SEMA4F: variants seen among roughly 807,000 people sequenced by gnomAD.
SEMA4F encodes the protein ssemaphorin 4F.
A neutral mutation model predicts 78.4 loss-of-function variants in SEMA4F; 51 were observed. The observed-to-expected ratio is 0.65, with a 90% CI of 0.52 to 0.82. The LOEUF (loss-of-function observed/expected upper bound fraction) is 0.82. Among genes scored for constraint, SEMA4F ranks in the 40% least tolerant of loss-of-function variants. The pLI is 0.00. For missense variants in SEMA4F, 938 were observed against 1,014.4 expected, an observed-to-expected ratio of 0.92 and a Z score of 1.02; for synonymous variants, 418 against 408.7, an observed-to-expected ratio of 1.02 and a Z score of -0.27.
At chr2:74,654,608 C>T in intron 1 of SEMA4F, 87 bp downstream of exon 1, 1 of 1,226,536 alleles carries the variant, frequency 8.2e-7, no homozygotes, top group Non-Finnish European at 1.1e-6. Context: ...CGGCCGGACC[C>T]GGGCCTCTCA....
chr2:74,666,184 G>A (rs1573240224), intron 5 of SEMA4F, among the ~76,000 whole-genome samples: 2 of 152,156 alleles, frequency 1.3e-5, no homozygotes, highest in South Asian at 2.1e-4. Flanking sequence ...GGGATTACAG[G>A]CGTGAGCCAC....
the SEMA4F span, among the ~76,000 whole-genome samples, chr2:74,697,280 T>G: frequency 6.6e-6 from 1 of 152,222 alleles, no homozygotes; most frequent in South Asian, 2.1e-4. Flanking sequence ...CAGCATTGAC[T>G]CAAGAACTTG....
intron 2 of SEMA4F, 100 bp downstream of exon 2, chr2:74,656,785 T>G: frequency 8.3e-7 from 1 of 1,206,624 alleles, no homozygotes; most frequent in Non-Finnish European, 1.2e-6. Context: ...ACTAAAGATG[T>G]AACAGCAGGG....
the SEMA4F span, among the ~76,000 whole-genome samples, chr2:74,708,568 TC>T: frequency 6.6e-6 from 1 of 152,104 alleles, no homozygotes; most frequent in Non-Finnish European, 1.5e-5. Context: ...GAAGCAGCAG[TC>T]CCCTTTCCTG....
chr2:74,698,671 G>A, the SEMA4F span, among the ~76,000 whole-genome samples: 6,554 of 152,282 alleles, frequency 0.043, 440 homozygotes, highest in African/African-American at 0.14. Context: ...CATATCCACT[G>A]AGAGGTTCCT....
the SEMA4F span, among the ~76,000 whole-genome samples, chr2:74,705,860 C>T: frequency 4.6e-5 from 7 of 152,186 alleles, no homozygotes; most frequent in Admixed American, 1.3e-4. Context: ...AGCCACTGGG[C>T]CTGGCCATAT....
At chr2:74,673,383 C>G in intron 5 of SEMA4F, 74 bp from the exon 6 acceptor site, 4 of 1,584,150 alleles carry the variant, frequency 2.5e-6, no homozygotes, top group Non-Finnish European at 3.4e-6. Flanking sequence ...GCTTTATGCC[C>G]TACTCTGCCT....
chr2:74,679,247 G>A (rs1685447740), intron 12 of SEMA4F, 29 bp from the exon 13 acceptor site: 12 of 1,564,518 alleles, frequency 7.7e-6, no homozygotes, highest in Non-Finnish European at 8.8e-6. Context: ...TGTTCACACT[G>A]GATTTACCAA....
the SEMA4F span, among the ~76,000 whole-genome samples, chr2:74,700,408 G>A: frequency 6.6e-6 from 1 of 152,146 alleles, no homozygotes; most frequent in African/African-American, 2.4e-5. Context: ...CTGACCCTGA[G>A]TAGCACCATG....
chr2:74,662,607 G>A (rs1573233496), intron 4 of SEMA4F, 125 bp from the exon 5 acceptor site: 3 of 767,512 alleles, frequency 3.9e-6, no homozygotes, highest in South Asian at 1.5e-5. Flanking sequence ...GATGATAGTT[G>A]GGGGTAGGGA....
rs780796123 is a variant in SEMA4F at position 74,675,378 on chromosome 2, G to A, written c.1366G>A (p.Gly456Arg). 74 of 1,612,332 alleles carry A rather than the reference G, an allele frequency of 4.6e-5. 1 individual carries two copies. Among genetic ancestry groups the A allele is most frequent in the Non-Finnish European group, 5.7e-5 (67 of 1,178,836 alleles). The change falls in exon 10 of 14, where the codon GGG becomes AGG. Residue 456 changes from glycine (G) to arginine (R), a missense_variant. Physicochemically the swap from Gly to Arg is moderately radical, Grantham distance 125. Coordinates refer to ENST00000357877, the MANE Select transcript of SEMA4F (RefSeq NM_004263.5). ...GAAAGAGTATGATGTGCTCTACCTG[G>A]GGACAGGTATATTTAATGGTCAAGC... ...SGKEYDVLYL[G>R]TEDGHLHRAV...
At chr2:74,679,484 T>C (rs1685469238) in intron 13 of SEMA4F, 115 bp from the exon 14 acceptor site, 2 of 1,498,102 alleles carry the variant, frequency 1.3e-6, no homozygotes, top group South Asian at 2.5e-5. Flanking sequence ...AGGAATCCCC[T>C]TTTTAGCTTA....
intron 8 of SEMA4F, 75 bp from the exon 9 acceptor site, chr2:74,674,813 C>T: frequency 1.3e-6 from 2 of 1,568,632 alleles, no homozygotes; most frequent in Non-Finnish European, 8.7e-7. Context: ...TCTCGGGGGT[C>T]ATCTCATTTG....
downstream of SEMA4F, among the ~76,000 whole-genome samples, chr2:74,684,971 CAAACAA>C (rs1022220093): frequency 5.3e-5 from 8 of 152,220 alleles, no homozygotes; most frequent in Non-Finnish European, 8.8e-5. Flanking sequence ...GACCTTGTCT[CAAACAA>C]AAACAAAACC....
At chr2:74,666,969 G>A (rs62148033) in intron 5 of SEMA4F, among the ~76,000 whole-genome samples, 2,719 of 152,190 alleles carry the variant, frequency 0.018, 52 homozygotes, top group Non-Finnish European at 0.022. Flanking sequence ...TCATTACCAA[G>A]TAACCACTAT....
At chr2:74,706,504 A>G in the SEMA4F span, among the ~76,000 whole-genome samples, 2 of 152,118 alleles carry the variant, frequency 1.3e-5, no homozygotes. Context: ...GTGAGATCTG[A>G]TGTGAACTTG....
chr2:74,675,869 C>T lies in SEMA4F; in HGVS notation c.1603C>T (p.Arg535Trp), dbSNP rs773961827. The part of the protein sequence containing the change: ...AQDPVCAWSF[R>W]LDECVAHAGE... ...GGACCCAGTCTGTGCCTGGAGCTTC[C>T]GGCTGGATGAGTGTGTGGCCCATGC... The change falls in exon 12 of 14, where the codon CGG becomes TGG. Residue 535 changes from arginine to tryptophan, a missense_variant. Physicochemically the swap from Arg to Trp is moderately radical, Grantham distance 101. Coordinates refer to ENST00000357877, the MANE Select transcript of SEMA4F (RefSeq NM_004263.5). 55 of 1,614,010 alleles carry T rather than the reference C, an allele frequency of 3.4e-5. No homozygotes were observed. Among genetic ancestry groups the T allele is most frequent in the South Asian group, 4.4e-5 (4 of 91,074 alleles).
intron 4 of SEMA4F, among the ~76,000 whole-genome samples, chr2:74,662,361 G>C (rs538112528): frequency 6.6e-6 from 1 of 152,138 alleles, no homozygotes; most frequent in East Asian, 1.9e-4. Flanking sequence ...TTGTCATGTA[G>C]CATATTCTCC....
chr2:74,693,844 G>A, the SEMA4F span, among the ~76,000 whole-genome samples: 113,213 of 152,024 alleles, frequency 0.74, 43,341 homozygotes, highest in African/African-American at 0.93. Context: ...GTCATAGTTT[G>A]TTTATTCAAC....
Sources: gnomAD v4.1 joint callset for allele counts (sites outside exome capture counted in the v4.1 genomes callset) on GRCh38, gnomAD v4.1.1 for gene constraint, MANE v1.5 for transcripts, NCBI Gene and HGNC (gene_info 2026-07-23, HGNC 2026-07-21) for gene names.